PLCL1: variants seen among roughly 807,000 people sequenced by gnomAD.
PLCL1 encodes phospholipase C like 1 (inactive).
A neutral mutation model predicts 84.4 loss-of-function variants in PLCL1; 41 were observed. That is an observed-to-expected ratio of 0.49 (90% CI 0.38 to 0.63). The LOEUF (loss-of-function observed/expected upper bound fraction) is 0.63, where lower values mean the gene tolerates loss of function less well. Among genes scored for constraint, PLCL1 ranks in the 30% least tolerant of loss-of-function variants. The pLI, the probability that PLCL1 is intolerant of heterozygous loss-of-function variation, is 0.00. For missense variants in PLCL1, 1,206 were observed against 1,367.8 expected (o/e 0.88, Z 1.87); for synonymous variants, 490 against 488.3 (o/e 1.00, Z -0.05).
chr2:197,976,231 G>A (rs1332972530), intron 1 of PLCL1, among the ~76,000 whole-genome samples: 1 of 152,086 alleles, frequency 6.6e-6, no homozygotes, highest in African/African-American at 2.4e-5. Flanking sequence ...CTTGTGTTGT[G>A]AATTCCACTC....
intron 1 of PLCL1, among the ~76,000 whole-genome samples, chr2:197,823,260 T>C (rs1690853035): frequency 6.6e-6 from 1 of 152,082 alleles, no homozygotes; most frequent in South Asian, 2.1e-4. Context: ...TGGCTAGAAG[T>C]TTCTAGAATT....
intron 1 of PLCL1, among the ~76,000 whole-genome samples, chr2:197,881,242 C>A (rs1007686017): frequency 6.6e-6 from 1 of 152,074 alleles, no homozygotes; most frequent in Non-Finnish European, 1.5e-5. Flanking sequence ...CAGCACCTTG[C>A]GAGGCAAGTG....
chr2:197,839,614 C>A (rs140333814), intron 1 of PLCL1, among the ~76,000 whole-genome samples: 1 of 152,166 alleles, frequency 6.6e-6, no homozygotes, highest in Non-Finnish European at 1.5e-5. Flanking sequence ...CGGTCCGTAG[C>A]CATGGGATTG....
intron 1 of PLCL1, among the ~76,000 whole-genome samples, chr2:198,005,939 A>C (rs552090197): frequency 6.6e-6 from 1 of 152,264 alleles, no homozygotes; most frequent in Admixed American, 6.5e-5. Flanking sequence ...TAACACAGTT[A>C]ATGTGTGAAT....
intron 1 of PLCL1, among the ~76,000 whole-genome samples, chr2:198,062,959 A>G (rs543455092): frequency 8.5e-5 from 13 of 152,156 alleles, no homozygotes; most frequent in Non-Finnish European, 1.5e-4. Context: ...CAGTGGGTGT[A>G]GAGTCTGAAA....
intron 1 of PLCL1, among the ~76,000 whole-genome samples, chr2:197,960,226 G>A (rs1056768186): frequency 1.3e-5 from 2 of 152,080 alleles, no homozygotes; most frequent in African/African-American, 4.8e-5. Context: ...CAGAGTCACT[G>A]AGTGGGGTCA....
Position 197,948,504 on chromosome 2 carries a change from G to C in PLCL1, c.241-135254G>C, listed in dbSNP as rs143594329. Among the ~76,000 whole-genome samples, 61 of 152,038 alleles carry C rather than the reference G, an allele frequency of 4.0e-4. No homozygotes were observed. In the East Asian group the frequency reaches 0.011, roughly 28 times the overall value. Reference sequence around the variant, plus strand: ...TATGTAAACTTTCCTGTAATGTGTGGCTTAATTTTTTTTTTTTGTTTTCAC... The same window carrying C: ...TATGTAAACTTTCCTGTAATGTGTGCCTTAATTTTTTTTTTTTGTTTTCAC... On this transcript the variant is annotated intron_variant, in intron 1 of 5. Coordinates refer to ENST00000428675, the MANE Select transcript of PLCL1 (RefSeq NM_006226.4).
At chr2:197,847,509 T>A (rs1341080892) in intron 1 of PLCL1, among the ~76,000 whole-genome samples, 4 of 152,138 alleles carry the variant, frequency 2.6e-5, no homozygotes, top group Non-Finnish European at 5.9e-5. Context: ...TGGCAAATTA[T>A]TTTTACCTTC....
At chr2:198,125,419 AAC>A (rs1349869198) in intron 5 of PLCL1, among the ~76,000 whole-genome samples, 1 of 151,752 alleles carries the variant, frequency 6.6e-6, no homozygotes, top group African/African-American at 2.4e-5. Context: ...TAAAATAAAC[AAC>A]ATGTGGTTTA....
At chr2:198,030,591 G>A (rs1691387040) in intron 1 of PLCL1, among the ~76,000 whole-genome samples, 1 of 152,140 alleles carries the variant, frequency 6.6e-6, no homozygotes, top group East Asian at 1.9e-4. Context: ...AATCATAGTA[G>A]TTATCATTTT....
intron 1 of PLCL1, among the ~76,000 whole-genome samples, chr2:198,031,487 G>A (rs551926451): frequency 1.3e-4 from 20 of 151,582 alleles, no homozygotes; most frequent in Non-Finnish European, 1.5e-4. Flanking sequence ...TGGATTGACC[G>A]TTCAGTATTG....
At chr2:197,896,853 C>A (rs1202545828) in intron 1 of PLCL1, among the ~76,000 whole-genome samples, 1 of 149,390 alleles carries the variant, frequency 6.7e-6, no homozygotes, top group African/African-American at 2.4e-5. Context: ...AAAATGTTAT[C>A]TCTAAGAATG....
At chr2:198,050,984 A>G (rs1190817328) in intron 1 of PLCL1, among the ~76,000 whole-genome samples, 3 of 152,248 alleles carry the variant, frequency 2.0e-5, no homozygotes, top group Non-Finnish European at 2.9e-5. Context: ...AATTATTTGA[A>G]GGGAAAACAT....
At chr2:197,838,882 C>T (rs1691241682) in intron 1 of PLCL1, among the ~76,000 whole-genome samples, 1 of 152,166 alleles carries the variant, frequency 6.6e-6, no homozygotes, top group South Asian at 2.1e-4. Context: ...CTAAAGAGAT[C>T]ACTGTTAAGA....
At chr2:197,814,909 G>A (rs780030646) in intron 1 of PLCL1, among the ~76,000 whole-genome samples, 3 of 152,174 alleles carry the variant, frequency 2.0e-5, no homozygotes, top group African/African-American at 7.2e-5. Flanking sequence ...TAGGGGCGAG[G>A]AAGCTGTGGA....
intron 1 of PLCL1, among the ~76,000 whole-genome samples, chr2:197,983,171 C>CT (rs1252605534): frequency 1.0e-5 from 1 of 99,624 alleles, no homozygotes; most frequent in Non-Finnish European, 2.3e-5. Flanking sequence ...TTCTTTCTTT[C>CT]TTTTTTCTTT....
At chr2:198,127,379 A>G (rs1423738162) in intron 5 of PLCL1, among the ~76,000 whole-genome samples, 1 of 152,178 alleles carries the variant, frequency 6.6e-6, no homozygotes, top group African/African-American at 2.4e-5. Flanking sequence ...GTAAGTATAA[A>G]GATACTGTCT....
intron 1 of PLCL1, among the ~76,000 whole-genome samples, chr2:197,961,455 T>C (rs1050676197): frequency 6.6e-6 from 1 of 152,052 alleles, no homozygotes; most frequent in Non-Finnish European, 1.5e-5. Context: ...ATAGCTTTTT[T>C]ATTTTTAAAT....
At position 198,146,820 on chromosome 2, in the gene PLCL1, T is replaced by C. The variant is rs1694529066; in HGVS notation, c.3146T>C (p.Ile1049Thr). 4.3e-6 allele frequency: 7 copies of C among 1,613,378 alleles called. No individual in the cohort carries two copies. The East Asian group carries it at 8.9e-5, about 21-fold the overall frequency. ...TTGAAGAATGCCAAGAATGAAGCTA[T>C]AGAAAACATGAAGCAGATCCAGCTG... ...DLLKNAKNEA[I>T]ENMKQIQLAC... Residue 1049 changes from isoleucine to threonine, a missense_variant, in exon 6 of 6, where the codon ATA becomes ACA. Ile to Thr is a moderately conservative substitution (Grantham distance 89). Coordinates refer to ENST00000428675, the MANE Select transcript of PLCL1 (RefSeq NM_006226.4).
Sources: allele counts gnomAD v4.1 joint callset (sites outside exome capture counted in the v4.1 genomes callset), GRCh38; gene constraint gnomAD v4.1.1; transcripts MANE v1.5; gene names NCBI Gene and HGNC (gene_info 2026-07-23, HGNC 2026-07-21).